The following ZMYM3 variants were observed in gnomAD, a reference collection of about 807,000 sequenced individuals.
The protein encoded by ZMYM3 is zinc finger MYM-type containing 3.
ZMYM3 carries 6 observed loss-of-function variants against 94.2 expected under a neutral mutation model. That is an observed-to-expected ratio of 0.06 (90% CI 0.03 to 0.13). The LOEUF is 0.13. ZMYM3 is among the 10% of genes least tolerant of loss of function. The pLI is 1.00. For synonymous variants in ZMYM3, 420 were observed against 426.5 expected (o/e 0.98, Z 0.19); for missense variants, 664 against 1,132.6 (o/e 0.59, Z 5.94).
rs1331332838 is a variant in ZMYM3 at position 71,242,243 on chromosome X, A to G, written c.3729T>C (p.Cys1243=). Reference sequence around the variant, plus strand: ...CCTTGGTGGTGCCCCGAGGGGTGGTACACTTGCGGGACTGCCGCACCACAT... The same window carrying G: ...CCTTGGTGGTGCCCCGAGGGGTGGTGCACTTGCGGGACTGCCGCACCACAT... ...FTNVVRQSRK[C]TTPRGTTKVV... is the part of the protein sequence containing the mutation. The change falls in exon 23 of 25, where the codon TGT becomes TGC. Residue 1243 remains cysteine (C), a synonymous_variant. Coordinates refer to ENST00000314425, the MANE Select transcript of ZMYM3 (RefSeq NM_201599.3). 1 of 1,206,704 alleles carries G rather than the reference A, an allele frequency of 8.3e-7. No homozygotes were observed. Among genetic ancestry groups the G allele is most frequent in the Non-Finnish European group, 1.1e-6 (1 of 893,344 alleles).
At chrX:71,246,152 A>T (rs2030160274) in intron 15 of ZMYM3, 54 bp from the exon 16 acceptor site, 7 of 1,136,945 alleles carry the variant, frequency 6.2e-6, no homozygotes, top group Non-Finnish European at 8.3e-6. Context: ...GTCACATCTG[A>T]CCCACCAAAA....
chrX:71,250,249 C>T (rs1320805962), intron 5 of ZMYM3, 46 bp from the exon 6 acceptor site: 5 of 1,127,127 alleles, frequency 4.4e-6, no homozygotes, highest in Non-Finnish European at 1.2e-6. Context: ...ACCACCCTCT[C>T]ATTTCCTCAG....
intron 15 of ZMYM3, 59 bp downstream of exon 15, chrX:71,246,294 G>C: frequency 2.5e-6 from 3 of 1,198,136 alleles, no homozygotes; most frequent in Non-Finnish European, 3.4e-6. Flanking sequence ...CACGGACATA[G>C]GGCTGGCAGG....
At chrX:71,251,350 G>C in intron 3 of ZMYM3, 106 bp from the exon 4 acceptor site, 1 of 950,024 alleles carries the variant, frequency 1.1e-6, no homozygotes, top group Non-Finnish European at 1.5e-6. Context: ...AAGGGAGAGT[G>C]GGGACCCTTG....
In ZMYM3 at chrX:71,240,535, AG is replaced by A. The variant is rs1403642510; in HGVS notation, c.*380del. The A allele has an allele frequency of 1.5e-5, 2 of 134,783 alleles. No individual in the cohort carries two copies. Among genetic ancestry groups the A allele is most frequent in the Non-Finnish European group, 1.5e-5 (1 of 68,216 alleles). The allele number at this position is 134,783 out of a possible 1,213,427, so 11.1% of individuals were successfully genotyped here. A position where few individuals can be genotyped will look rare whatever the true frequency, so the allele number is the denominator to read the frequency against. On this transcript the variant is annotated 3_prime_UTR_variant, in exon 25 of 25. Coordinates refer to ENST00000314425, the MANE Select transcript of ZMYM3 (RefSeq NM_201599.3). ...CTGGGTTTTTCCCTAGGTCATGCCT[AG>A]GAACAAGAGGCTCTACCTATGCGGG...
rs898799192 is a variant in ZMYM3 at position 71,253,427 on chromosome X, C to T, written c.-19-153G>A. On this transcript the variant is annotated intron_variant, in intron 1 of 24. Coordinates refer to ENST00000314425, the MANE Select transcript of ZMYM3 (RefSeq NM_201599.3). ...TACAAGCATTTCCGAAGGCTTTAGT[C>T]CTAATGACCACTCCCCCCAATACAG... is the stretch of plus-strand genomic sequence containing the variant. 3.7e-5 allele frequency among the ~76,000 whole-genome samples: 4 copies of T among 108,543 alleles called. No homozygotes were observed. In the Admixed American group the frequency reaches 3.9e-4, roughly 11 times the overall value. The allele number at this position is 108,543 out of a possible 115,157, so 94.3% of individuals were successfully genotyped here.
chrX:71,241,121 G>A lies in ZMYM3; in HGVS notation c.3921-13C>T, dbSNP rs2029923708. 8.3e-7 allele frequency: 1 copy of A among 1,202,257 alleles called. No individual in the cohort carries two copies. Among genetic ancestry groups the A allele is most frequent in the Non-Finnish European group, 1.1e-6 (1 of 889,238 alleles). On this transcript the variant is annotated splice_polypyrimidine_tract_variant and intron_variant, in intron 24 of 24. Coordinates refer to ENST00000314425, the MANE Select transcript of ZMYM3 (RefSeq NM_201599.3). ...GAGGCTTTCAGGACTGCAACATCGG[G>A]GGTGGGAGTGGGAGTGGGGGTGGCA...
At position 71,252,772 on chromosome X, in the gene ZMYM3, TCTC is replaced by T. The variant is rs753881073; in HGVS notation, c.481_483del (p.Glu161del). Reference sequence around the variant, plus strand: ...CTTCTTGCAGTAGCTATGGAGGTGGTCTCCTCCTCTTCAATATGTGGGGACTGC... The same window carrying T: ...CTTCTTGCAGTAGCTATGGAGGTGGTCTCCTCTTCAATATGTGGGGACTGC... On this transcript the variant is annotated inframe_deletion, in exon 2 of 25. Coordinates refer to ENST00000314425, the MANE Select transcript of ZMYM3 (RefSeq NM_201599.3). The T allele has an allele frequency of 1.1e-5, 13 of 1,210,137 alleles. No individual in the cohort carries two copies. Among genetic ancestry groups the T allele is most frequent in the African/African-American group, 3.5e-5 (2 of 57,282 alleles).
intron 6 of ZMYM3, 61 bp downstream of exon 6, chrX:71,249,965 T>C: frequency 8.9e-7 from 1 of 1,118,688 alleles, no homozygotes; most frequent in Non-Finnish European, 1.2e-6. Context: ...AGCCCCAGGA[T>C]GGGAGGGGCA....
chrX:71,244,232 G>A, intron 20 of ZMYM3, 70 bp downstream of exon 20: 2 of 1,154,654 alleles, frequency 1.7e-6, no homozygotes, highest in Non-Finnish European at 2.3e-6. Context: ...CACAGGCCCA[G>A]CCCCTTCTCC....
In ZMYM3 at chrX:71,248,770, G is replaced by A; in HGVS notation, c.1653C>T (p.Arg551=). ...TGTAGTAACAGGGGTCAGAGAGGCT[G>A]CGGCGGCAGAAGCTGCAGGGTCGGG... is the stretch of plus-strand genomic sequence containing the variant. The part of the protein sequence containing the change: ...GPPRPCSFCR[R]SLSDPCYYNK... The change falls in exon 9 of 25, where the codon CGC becomes CGT. Residue 551 remains arginine (R), a synonymous_variant. Coordinates refer to ENST00000314425, the MANE Select transcript of ZMYM3 (RefSeq NM_201599.3). 1.7e-6 allele frequency: 2 copies of A among 1,207,916 alleles called. No homozygotes were observed. Among genetic ancestry groups the A allele is most frequent in the South Asian group, 1.8e-5 (1 of 56,129 alleles).
chrX:71,245,575 T>C (rs2030131537), intron 17 of ZMYM3, 90 bp from the exon 18 acceptor site: 2 of 1,158,355 alleles, frequency 1.7e-6, no homozygotes, highest in Non-Finnish European at 2.3e-6. Context: ...ATCCTCCCAT[T>C]CTACTAGGCA....
rs1602363295 is a variant in ZMYM3 at position 71,248,287 on chromosome X, C to T, written c.1850G>A (p.Arg617His). ...WQDQVFQFCC[R>H]DCCEDFKRLR... The stretch of plus-strand genomic sequence containing the variant: ...CCGCTTGAAGTCCTCACAGCAATCA[C>T]GGCAGCAGAACTGGAACACTTGGTC... Residue 617 changes from arginine to histidine, a missense_variant, in exon 11 of 25, where the codon CGT (arginine) becomes CAT (histidine). Physicochemically the swap from Arg to His is conservative, Grantham distance 29. Transcript: ENST00000314425. 4.1e-6 allele frequency: 5 copies of T among 1,205,887 alleles called. No homozygotes were observed. The highest frequency in any genetic ancestry group is 3.6e-5 in the South Asian group (2 of 55,644).
upstream of ZMYM3, chrX:71,255,107 TCTCTCTC>T (rs2030700490): frequency 4.2e-5 from 3 of 71,694 alleles, no homozygotes; most frequent in African/African-American, 7.2e-5. Flanking sequence ...TCTCTCTCTC[TCTCTCTC>T]TCTCTCTCTC....
intron 3 of ZMYM3, 114 bp downstream of exon 3, chrX:71,251,444 C>G: frequency 1.9e-6 from 2 of 1,032,874 alleles, no homozygotes; most frequent in Non-Finnish European, 2.6e-6. Flanking sequence ...CTCCCTCCTC[C>G]TAACTCTCCT....
At position 71,242,303 on chromosome X, in the gene ZMYM3, C is replaced by T. The variant is rs1161007849; in HGVS notation, c.3669G>A (p.Gln1223=). Residue 1223 remains glutamine (Q), a synonymous_variant, in exon 23 of 25, where the codon CAG becomes CAA. Transcript: ENST00000314425. ...MFFNTKFFGL[Q]TAEEHMQLSF... is the part of the protein sequence containing the mutation. ...AGAGTTGCATGTGTTCCTCAGCTGT[C>T]TGCAGCCCAAAAAACTTAGTGTTGA... 1.7e-6 allele frequency: 2 copies of T among 1,210,033 alleles called. No individual in the cohort carries two copies. Among genetic ancestry groups the T allele is most frequent in the Admixed American group, 2.2e-5 (1 of 45,803 alleles).
At chrX:71,249,252 C>T (rs1298896450) in intron 7 of ZMYM3, 83 bp from the exon 8 acceptor site, 1 of 1,177,504 alleles carries the variant, frequency 8.5e-7, no homozygotes, top group African/African-American at 1.8e-5. Context: ...TGAAATATTT[C>T]AGGCATACAA....
rs2030015505 is a variant in ZMYM3 at position 71,243,085 on chromosome X, C to T, written c.3433-1G>A. On this transcript the variant is annotated splice_acceptor_variant, in intron 21 of 24. Coordinates refer to ENST00000314425, the MANE Select transcript of ZMYM3 (RefSeq NM_201599.3). LOFTEE classifies it high-confidence loss of function. Reference sequence around the variant, plus strand: ...CCATCCGGTTATTTTCCAGCAAGTACTGGGGAAAGAAAAACAGACACACCT... The same window carrying T: ...CCATCCGGTTATTTTCCAGCAAGTATTGGGGAAAGAAAAACAGACACACCT... The T allele has an allele frequency of 8.3e-7, 1 of 1,198,957 alleles. No individual in the cohort carries two copies. Among genetic ancestry groups the T allele is most frequent in the Non-Finnish European group, 1.1e-6 (1 of 885,434 alleles).
chrX:71,250,329 T>C lies in ZMYM3; in HGVS notation c.1073+103A>G. The C allele has an allele frequency of 2.7e-6, 3 of 1,094,345 alleles. No homozygotes were observed. The East Asian group carries it at 9.8e-5, about 36-fold the overall frequency. 90.2% of individuals were successfully genotyped at this position (1,094,345 alleles called of 1,213,427 possible). A position where few individuals can be genotyped will look rare whatever the true frequency, so the allele number is the denominator to read the frequency against. On this transcript the variant is annotated intron_variant, in intron 5 of 24. Coordinates refer to ENST00000314425, the MANE Select transcript of ZMYM3 (RefSeq NM_201599.3). ...CTGACTCTCTCCCTACATCACTCTC[T>C]CGCCCAGCTCCATCCTGCTAGGTTC...
Sources: gnomAD v4.1 joint callset for allele counts (sites outside exome capture counted in the v4.1 genomes callset) on GRCh38, gnomAD v4.1.1 for gene constraint, MANE v1.5 for transcripts, NCBI Gene and HGNC (gene_info 2026-07-23, HGNC 2026-07-21) for gene names.